The following RORA variants were observed in gnomAD, a reference collection of about 807,000 sequenced individuals.
RORA encodes the protein nuclear receptor ROR-alpha.
A neutral mutation model predicts 69.5 loss-of-function variants in RORA; 7 were observed. The observed-to-expected ratio is 0.10, with a 90% CI of 0.06 to 0.19. The LOEUF (loss-of-function observed/expected upper bound fraction) is 0.19, where lower values mean the gene tolerates loss of function less well. Among genes scored for constraint, RORA ranks in the 10% least tolerant of loss-of-function variants. RORA has a pLI of 1.00. For synonymous variants in RORA, 261 were observed against 240.8 expected (o/e 1.08, Z -0.78); for missense variants, 457 against 663.0 (o/e 0.69, Z 3.41).
chr15:61,054,988 C>G (rs2078073916), intron 1 of RORA, among the ~76,000 whole-genome samples: 2 of 151,930 alleles, frequency 1.3e-5, no homozygotes, highest in South Asian at 4.2e-4. Context: ...AGGTGCACAC[C>G]ACCACGTCTG....
intron 1 of RORA, among the ~76,000 whole-genome samples, chr15:61,013,779 CTTTTTTTTTTTTTT>C (rs3053960): frequency 1.4e-5 from 1 of 70,956 alleles, no homozygotes; most frequent in East Asian, 4.2e-4. Context: ...ACTGGGTTGG[CTTTTTTTTTTTTTT>C]TTTTTTTTTG....
intron 1 of RORA, among the ~76,000 whole-genome samples, chr15:60,794,870 G>T (rs901326988): frequency 2.6e-5 from 4 of 152,162 alleles, no homozygotes; most frequent in Admixed American, 2.6e-4. Flanking sequence ...AGCACCGTAG[G>T]CCTGGAGTTC....
intron 3 of RORA, among the ~76,000 whole-genome samples, chr15:60,516,073 A>G (rs1263252236): frequency 2.0e-4 from 9 of 46,064 alleles, no homozygotes; most frequent in African/African-American, 9.2e-4. Context: ...ATATTTATAT[A>G]TATTTATTTA....
At chr15:61,141,177 C>T (rs9788704) in intron 1 of RORA, among the ~76,000 whole-genome samples, 39,282 of 151,964 alleles carry the variant, frequency 0.26, 5,648 homozygotes, top group Admixed American at 0.41. Flanking sequence ...ATTTATAGAC[C>T]ATACAAAGAG....
chr15:60,747,654 T>G (rs750554405), intron 1 of RORA, among the ~76,000 whole-genome samples: 6 of 152,134 alleles, frequency 3.9e-5, no homozygotes, highest in Admixed American at 1.3e-4. Context: ...ATGACTACTG[T>G]GCACAAGGAG....
chr15:61,064,040 C>T (rs1197768359), intron 1 of RORA, among the ~76,000 whole-genome samples: 2 of 152,166 alleles, frequency 1.3e-5, no homozygotes, highest in African/African-American at 4.8e-5. Context: ...CAAGCCCATA[C>T]CAGCCACAAC....
chr15:60,786,248 C>T (rs1356394904), intron 1 of RORA, among the ~76,000 whole-genome samples: 1 of 152,210 alleles, frequency 6.6e-6, no homozygotes, highest in Admixed American at 6.5e-5. Context: ...ACATCTGTCC[C>T]TCCATTTCCC....
At chr15:60,577,428 G>A (rs1239624035) in intron 2 of RORA, among the ~76,000 whole-genome samples, 2 of 152,146 alleles carry the variant, frequency 1.3e-5, no homozygotes, top group Non-Finnish European at 2.9e-5. Context: ...CGGATCACCT[G>A]AGGTCAGGAG....
intron 1 of RORA, among the ~76,000 whole-genome samples, chr15:60,986,119 A>G (rs757562817): frequency 3.3e-5 from 5 of 152,002 alleles, no homozygotes; most frequent in Non-Finnish European, 7.4e-5. Context: ...TAAAGGTAGT[A>G]CAGTCAACTG....
At chr15:60,769,394 C>T (rs952638727) in intron 1 of RORA, among the ~76,000 whole-genome samples, 2 of 151,944 alleles carry the variant, frequency 1.3e-5, no homozygotes, top group Admixed American at 6.6e-5. Context: ...AGTAATATCT[C>T]GATGAAGTTG....
At chr15:60,936,653 G>C (rs192536196) in intron 1 of RORA, among the ~76,000 whole-genome samples, 2 of 152,204 alleles carry the variant, frequency 1.3e-5, no homozygotes, top group African/African-American at 4.8e-5. Flanking sequence ...CCAGAGTGAC[G>C]GGCACTGCCT....
intron 2 of RORA, among the ~76,000 whole-genome samples, chr15:60,574,164 C>A (rs36055927): frequency 0.011 from 1,737 of 152,168 alleles, 34 homozygotes; most frequent in African/African-American, 0.04. Context: ...CAGACTCAGC[C>A]CCCAATTGGA....
At chr15:60,777,984 G>A (rs922782) in intron 1 of RORA, among the ~76,000 whole-genome samples, 1 of 151,970 alleles carries the variant, frequency 6.6e-6, no homozygotes, top group Non-Finnish European at 1.5e-5. Flanking sequence ...ATAAATTGAC[G>A]TGCTGTTTAA....
At chr15:60,976,956 G>T (rs935372414) in intron 1 of RORA, among the ~76,000 whole-genome samples, 1 of 152,162 alleles carries the variant, frequency 6.6e-6, no homozygotes, top group Non-Finnish European at 1.5e-5. Flanking sequence ...CTGTTTAGGT[G>T]ACCATGTGTC....
At chr15:61,228,910 G>A in intron 1 of RORA, 143 bp downstream of exon 1, 1 of 171,162 alleles carries the variant, frequency 5.8e-6, no homozygotes, top group Non-Finnish European at 1.1e-5. Flanking sequence ...GGGGAGGGGA[G>A]GGGGGTCCTC....
intron 1 of RORA, among the ~76,000 whole-genome samples, chr15:60,884,011 A>G (rs1276366972): frequency 6.6e-6 from 1 of 152,232 alleles, no homozygotes; most frequent in Non-Finnish European, 1.5e-5. Flanking sequence ...GAGCTAAAAC[A>G]ATGGAGAAGC....
At chr15:61,123,097 C>T (rs1002958504) in intron 1 of RORA, among the ~76,000 whole-genome samples, 2 of 152,084 alleles carry the variant, frequency 1.3e-5, no homozygotes, top group African/African-American at 4.8e-5. Context: ...TTCCCAGGGC[C>T]AGGAACTTAT....
intron 1 of RORA, among the ~76,000 whole-genome samples, chr15:61,188,282 G>A (rs776461662): frequency 6.6e-6 from 1 of 152,142 alleles, no homozygotes; most frequent in Non-Finnish European, 1.5e-5. Flanking sequence ...CTCTGCCATT[G>A]TGGCCCCAAA....
intron 1 of RORA, among the ~76,000 whole-genome samples, chr15:60,695,288 T>A (rs1480053817): frequency 6.6e-6 from 1 of 152,198 alleles, no homozygotes; most frequent in African/African-American, 2.4e-5. Context: ...TTAGGGACAC[T>A]GAAAAAATTC....
Sources: gnomAD v4.1 joint callset for allele counts (sites outside exome capture counted in the v4.1 genomes callset) on GRCh38, gnomAD v4.1.1 for gene constraint, MANE v1.5 for transcripts, NCBI Gene and HGNC (gene_info 2026-07-23, HGNC 2026-07-21) for gene names.